The following RASGRF1 variants were observed in gnomAD, a reference collection of about 807,000 sequenced individuals.
RASGRF1 encodes Ras protein specific guanine nucleotide releasing factor 1.
RASGRF1 carries 40 observed loss-of-function variants against 138.7 expected under a neutral mutation model. That is an observed-to-expected ratio of 0.29 (90% CI 0.22 to 0.38). The LOEUF is 0.38. RASGRF1 is among the 10% of genes least tolerant of loss of function. The probability of loss-of-function intolerance (pLI) is 1.00; values close to 1 mark genes in which losing one functional copy is unlikely to be tolerated. For missense variants in RASGRF1, 1,108 were observed against 1,650.4 expected (o/e 0.67, Z 5.69); for synonymous variants, 614 against 663.2 (o/e 0.93, Z 1.14).
chr15:79,065,220 A>G (rs1303667437), intron 1 of RASGRF1, among the ~76,000 whole-genome samples: 1 of 152,254 alleles, frequency 6.6e-6, no homozygotes, highest in Non-Finnish European at 1.5e-5. Flanking sequence ...GGAGGTAAGA[A>G]CAAAGGGCTG....
intron 1 of RASGRF1, among the ~76,000 whole-genome samples, chr15:79,087,847 G>A (rs1595983543): frequency 1.3e-5 from 2 of 152,346 alleles, no homozygotes; most frequent in African/African-American, 4.8e-5. Context: ...ATAAACATAT[G>A]TGATTTAAGT....
At chr15:79,023,123 G>A (rs1595911895) in intron 10 of RASGRF1, among the ~76,000 whole-genome samples, 1 of 152,046 alleles carries the variant, frequency 6.6e-6, no homozygotes, top group South Asian at 2.1e-4. Context: ...CCAGTGAGCC[G>A]AGATCACGCC....
At position 78,960,715 on chromosome 15, in the gene RASGRF1, T is replaced by C. The variant is rs1274833409; in HGVS notation, c.*1429A>G. 6.6e-6 allele frequency: 1 copy of C among 151,176 alleles called. No homozygotes were observed. Among genetic ancestry groups the C allele is most frequent in the Admixed American group, 6.7e-5 (1 of 14,980 alleles). 9.4% of individuals were successfully genotyped at this position (151,176 alleles called of 1,614,324 possible). A position where few individuals can be genotyped will look rare whatever the true frequency, so the allele number is the denominator to read the frequency against. Reference sequence around the variant, plus strand: ...TAACAAAAATGGTTTTAAGCCATTATGTTTTGGAGTGGCTTGTTCTTGGTG... The same window carrying C: ...TAACAAAAATGGTTTTAAGCCATTACGTTTTGGAGTGGCTTGTTCTTGGTG... On this transcript the variant is annotated 3_prime_UTR_variant, in exon 27 of 27. Transcript: ENST00000558480.
At chr15:79,034,247 A>T (rs548369170) in intron 6 of RASGRF1, among the ~76,000 whole-genome samples, 2 of 152,026 alleles carry the variant, frequency 1.3e-5, no homozygotes, top group South Asian at 4.1e-4. Flanking sequence ...CATCATGGAG[A>T]TGACACCAAC....
Position 79,017,846 on chromosome 15 carries a change from T to A in RASGRF1, c.1667A>T (p.Asp556Val). 1 of 1,613,618 alleles carries A rather than the reference T, an allele frequency of 6.2e-7. No individual in the cohort carries two copies. Among genetic ancestry groups the A allele is most frequent in the Non-Finnish European group, 8.5e-7 (1 of 1,179,774 alleles). Residue 556 changes from aspartate (D) to valine (V), a missense_variant, in exon 12 of 27, where the codon GAT becomes GTT. Transcript: ENST00000558480. ...TAGGATGACTGTAAAGGGCGGGGAA[T>A]CCTTTGGCTCCACCCCGATTTTAAA... ...LDFKIGVEPK[D>V]SPPFTVILVA...
Position 78,998,715 on chromosome 15 carries a change from C to T in RASGRF1, c.2853+4G>A. ...CAGCCTGCCCAGGGAGGGCTCCCAC[C>T]CACCTGAGAGTGCTTGGACACCCAG... On this transcript the variant is annotated splice_donor_region_variant and intron_variant, in intron 18 of 26. Transcript: ENST00000558480. 1 of 1,611,214 alleles carries T rather than the reference C, an allele frequency of 6.2e-7. No homozygotes were observed. The highest frequency in any genetic ancestry group is 2.2e-5 in the East Asian group (1 of 44,860).
intron 22 of RASGRF1, 111 bp downstream of exon 22, chr15:78,990,078 G>A: frequency 2.2e-6 from 2 of 902,918 alleles, no homozygotes; most frequent in Non-Finnish European, 3.7e-6. Flanking sequence ...GGGCTGGAGA[G>A]GACCCAGGAG....
intron 6 of RASGRF1, among the ~76,000 whole-genome samples, chr15:79,033,581 CTTTTTTTT>C (rs71148586): frequency 3.2e-5 from 3 of 93,958 alleles, no homozygotes; most frequent in Admixed American, 1.5e-4. Context: ...TTTTTCTTTT[CTTTTTTTT>C]TTTTTTTTTT....
Position 79,001,982 on chromosome 15 carries a change from C to T in RASGRF1, c.2450-195G>A, listed in dbSNP as rs546430606. Among the ~76,000 whole-genome samples the T allele has an allele frequency of 6.6e-5, 10 of 152,318 alleles. No individual in the cohort carries two copies. The South Asian group carries it at 1.2e-3, about 19-fold the overall frequency. ...CCTTTCTCTTGCTAATGAGCACTGT[C>T]GATCTCCAAGGTGGCTTTTGCTCCA... is the stretch of plus-strand genomic sequence containing the variant. On this transcript the variant is annotated intron_variant, in intron 15 of 26. Coordinates refer to ENST00000558480, the MANE Select transcript of RASGRF1 (RefSeq NM_001145648.3).
intron 13 of RASGRF1, among the ~76,000 whole-genome samples, chr15:79,010,333 C>T (rs924401309): frequency 9.8e-5 from 15 of 152,286 alleles, no homozygotes; most frequent in Admixed American, 7.8e-4. Flanking sequence ...TCACTGCACC[C>T]GGCAATATTT....
At chr15:78,971,063 C>G (rs996210024) in intron 26 of RASGRF1, among the ~76,000 whole-genome samples, 2 of 152,140 alleles carry the variant, frequency 1.3e-5, no homozygotes, top group East Asian at 1.9e-4. Flanking sequence ...TAGCATTACA[C>G]AAGCCTGTCT....
intron 3 of RASGRF1, among the ~76,000 whole-genome samples, chr15:79,052,524 T>C (rs2057446515): frequency 6.6e-6 from 1 of 152,170 alleles, no homozygotes; most frequent in African/African-American, 2.4e-5. Context: ...TTGAGCACCA[T>C]GCCAAGTGCC....
chr15:79,083,559 T>G (rs2057941827), intron 1 of RASGRF1, among the ~76,000 whole-genome samples: 1 of 152,212 alleles, frequency 6.6e-6, no homozygotes, highest in African/African-American at 2.4e-5. Context: ...CAAAAATCAC[T>G]GGCGCGACTG....
At chr15:79,024,895 C>CACACAT (rs1372641448) in intron 10 of RASGRF1, among the ~76,000 whole-genome samples, 2 of 150,402 alleles carry the variant, frequency 1.3e-5, no homozygotes, top group African/African-American at 5.0e-5. Context: ...ACACACCACG[C>CACACAT]ACACATACAC....
chr15:78,998,744 C>T lies in RASGRF1; in HGVS notation c.2828G>A (p.Arg943His). The T allele has an allele frequency of 2.5e-6, 4 of 1,614,016 alleles. No homozygotes were observed. Among genetic ancestry groups the T allele is most frequent in the Non-Finnish European group, 1.7e-6 (2 of 1,179,908 alleles). Reference sequence around the variant, plus strand: ...CTGAGAGTGCTTGGACACCCAGTGGCGGAGCACGTTCAAGACACGATTGGT... The same window carrying T: ...CTGAGAGTGCTTGGACACCCAGTGGTGGAGCACGTTCAAGACACGATTGGT... ...AATNRVLNVL[R>H]HWVSKHSQDF... Residue 943 changes from arginine to histidine, a missense_variant, in exon 18 of 27, where the codon CGC (arginine) becomes CAC (histidine). By Grantham distance (29) the Arg-to-His change is conservative. Around this residue, in one of 3 missense-constraint regions of RASGRF1, gnomAD observed 686 missense variants for 976.7 expected, o/e 0.70. Coordinates refer to ENST00000558480, the MANE Select transcript of RASGRF1 (RefSeq NM_001145648.3).
At chr15:79,047,029 C>T (rs1567573065) in intron 4 of RASGRF1, 30 bp from the exon 5 acceptor site, 9 of 1,598,914 alleles carry the variant, frequency 5.6e-6, no homozygotes, top group Admixed American at 1.7e-5. Context: ...GGGAGAGGCT[C>T]CTGTCAGGGA....
At chr15:79,090,197 A>G (rs754062983) in intron 1 of RASGRF1, 26 bp downstream of exon 1, 1 of 1,570,762 alleles carries the variant, frequency 6.4e-7, no homozygotes, top group Non-Finnish European at 8.6e-7. Context: ...GGACGCAGGG[A>G]GGTCAGGACG....
intron 1 of RASGRF1, among the ~76,000 whole-genome samples, chr15:79,069,995 C>T (rs1882070496): frequency 6.6e-6 from 1 of 152,204 alleles, no homozygotes; most frequent in Admixed American, 6.5e-5. Context: ...TGAGCTGACA[C>T]AGACACCTGA....
In RASGRF1 at chr15:78,999,838, A is replaced by G. The variant is rs747368528; in HGVS notation, c.2651T>C (p.Leu884Ser). The G allele has an allele frequency of 6.2e-7, 1 of 1,614,068 alleles. No homozygotes were observed. The highest frequency in any genetic ancestry group is 8.5e-7 in the Non-Finnish European group (1 of 1,180,006). ...TATGGCAAAGGCAGAGGCGGCCGAC[A>G]AGGCACTGCGGTTATTGTCCAGTTC... The part of the protein sequence containing the change: ...CRELDNNRSA[L>S]SAASAFAIAT... Residue 884 changes from leucine (L) to serine (S), a missense_variant, in exon 17 of 27, where the codon TTG becomes TCG. Leu to Ser is a moderately radical substitution (Grantham distance 145, BLOSUM62 -2). This residue lies in a region of RASGRF1 where 686 missense variants were observed against 976.7 expected (regional missense o/e 0.70). Coordinates refer to ENST00000558480, the MANE Select transcript of RASGRF1 (RefSeq NM_001145648.3).
Sources: gnomAD v4.1 joint callset for allele counts (sites outside exome capture counted in the v4.1 genomes callset) on GRCh38, gnomAD v4.1.1 for gene constraint, gnomAD v4.1.1 regional missense constraint, MANE v1.5 for transcripts, NCBI Gene and HGNC (gene_info 2026-07-23, HGNC 2026-07-21) for gene names.